HRG: variants seen among roughly 807,000 people sequenced by gnomAD.
HRG encodes histidine-rich glycoprotein.
Under a neutral mutation model 29.5 loss-of-function variants are expected in HRG, and 26 were observed. That is an observed-to-expected ratio of 0.88 (90% CI 0.65 to 1.22). The LOEUF is 1.22. Among genes scored for constraint, HRG ranks in the 50% most tolerant of loss-of-function variants. HRG has a pLI of 0.00. For synonymous variants in HRG, 243 were observed against 240.4 expected (o/e 1.01, Z -0.10); for missense variants, 671 against 654.5 (o/e 1.03, Z -0.28).
chr3:186,666,056 C>G lies in HRG; in HGVS notation c.25C>G (p.Leu9Val), dbSNP rs1441195918. 2 of 1,614,226 alleles carry G rather than the reference C, an allele frequency of 1.2e-6. No individual in the cohort carries two copies. Among genetic ancestry groups the G allele is most frequent in the East Asian group, 2.2e-5 (1 of 44,888 alleles). ...AATGAAGGCACTCATTGCAGCACTGCTTTTGATCACATTGCAGTATTCGTG... is the reference window on the plus strand; with the variant it reads ...AATGAAGGCACTCATTGCAGCACTGGTTTTGATCACATTGCAGTATTCGTG... MKALIAAL[L>V]LITLQYSCAV... Residue 9 changes from leucine to valine, a missense_variant, in exon 1 of 7, where the codon CTT (leucine) becomes GTT (valine). Leu to Val is a conservative substitution (Grantham distance 32). Coordinates refer to ENST00000232003, the MANE Select transcript of HRG (RefSeq NM_000412.5).
At chr3:186,668,784 A>G (rs184685307) in intron 1 of HRG, 151 bp from the exon 2 acceptor site, 13 of 634,186 alleles carry the variant, frequency 2.0e-5, no homozygotes, top group Non-Finnish European at 5.6e-6. Context: ...ATTGGAATCA[A>G]TAGATCAAAT....
intron 5 of HRG, 164 bp downstream of exon 5, chr3:186,673,031 C>T: frequency 5.8e-6 from 4 of 690,854 alleles, no homozygotes; most frequent in South Asian, 4.7e-5. Flanking sequence ...CTGTGAAATA[C>T]AAAGTATCAT....
chr3:186,678,075 GC>G lies in HRG; in HGVS notation c.*194del. ...AAAGGAGAGGAAAGAACTCAGTGCT[GC>G]CTATTAGTAGTTAATTCTGTCACTC... On this transcript the variant is annotated 3_prime_UTR_variant, in exon 7 of 7. Coordinates refer to ENST00000232003, the MANE Select transcript of HRG (RefSeq NM_000412.5). The G allele has an allele frequency of 5.1e-6, 3 of 592,986 alleles. No individual in the cohort carries two copies. The South Asian group carries it at 6.0e-5, about 12-fold the overall frequency. The allele number at this position is 592,986 out of a possible 1,614,324, so 36.7% of individuals were successfully genotyped here.
chr3:186,674,669 C>T (rs1469824048), intron 5 of HRG: 1 of 326,350 alleles, frequency 3.1e-6, no homozygotes, highest in African/African-American at 2.2e-5. Flanking sequence ...ATACAGATGC[C>T]CTCCTGTCCA....
chr3:186,672,248 G>A (rs1269781405), intron 4 of HRG, among the ~76,000 whole-genome samples: 1 of 152,204 alleles, frequency 6.6e-6, no homozygotes, highest in African/African-American at 2.4e-5. Flanking sequence ...GCAACTGGTT[G>A]ACATTTGCTA....
At chr3:186,676,922 G>T in intron 6 of HRG, 125 bp from the exon 7 acceptor site, 8 of 1,093,956 alleles carry the variant, frequency 7.3e-6, no homozygotes, top group Admixed American at 5.8e-5. Flanking sequence ...ATCTTTTTTC[G>T]TAATACTTTT....
At position 186,677,542 on chromosome 3, in the gene HRG, G is replaced by A. The variant is rs1449647645; in HGVS notation, c.1237G>A (p.Asp413Asn). 1 of 1,612,106 alleles carries A rather than the reference G, an allele frequency of 6.2e-7. No individual in the cohort carries two copies. Among genetic ancestry groups the A allele is most frequent in the Non-Finnish European group, 8.5e-7 (1 of 1,178,606 alleles). ...CCATCCCCACTGCCATGATTTCCAA[G>A]ACTATGGACCTTGTGACCCACCACC... Reference protein sequence around the residue: ...GHHPHCHDFQDYGPCDPPPHN... With the variant: ...GHHPHCHDFQNYGPCDPPPHN... The change falls in exon 7 of 7, where the codon GAC becomes AAC. Residue 413 changes from aspartate (D) to asparagine (N), a missense_variant. Coordinates refer to ENST00000232003, the MANE Select transcript of HRG (RefSeq NM_000412.5).
In HRG at chr3:186,670,008, T is replaced by C. The variant is rs780096311; in HGVS notation, c.371T>C (p.Phe124Ser). ...HESQDLRVIDFNCTTSSVSSA... is the reference protein window; with the variant it reads ...HESQDLRVIDSNCTTSSVSSA... ...TCTCAGGACCTCAGAGTGATTGACTTTAACTGCACCACAAGTTCTGGTATG... is the reference window on the plus strand; with the variant it reads ...TCTCAGGACCTCAGAGTGATTGACTCTAACTGCACCACAAGTTCTGGTATG... Residue 124 changes from phenylalanine (F) to serine (S), a missense_variant, in exon 3 of 7, where the codon TTT becomes TCT. By Grantham distance (155) the Phe-to-Ser change is radical. Transcript: ENST00000232003. 1 of 1,569,956 alleles carries C rather than the reference T, an allele frequency of 6.4e-7. No homozygotes were observed. The highest frequency in any genetic ancestry group is 1.1e-5 in the South Asian group (1 of 90,122).
At chr3:186,675,828 A>G (rs906794599) in intron 6 of HRG, among the ~76,000 whole-genome samples, 2 of 151,846 alleles carry the variant, frequency 1.3e-5, no homozygotes, top group Admixed American at 6.6e-5. Context: ...AGAAAAAGGA[A>G]CAAAGGGCAG....
chr3:186,667,215 C>A (rs1718640068), intron 1 of HRG: 2 of 152,150 alleles, frequency 1.3e-5, no homozygotes, highest in African/African-American at 4.8e-5. Flanking sequence ...GATCTGAGGA[C>A]CTACTATCAA....
intron 5 of HRG, chr3:186,673,073 T>G: frequency 4.7e-6 from 3 of 633,682 alleles, no homozygotes; most frequent in Non-Finnish European, 8.5e-6. Flanking sequence ...CCAGGCACTC[T>G]TCTAAGTGAT....
chr3:186,667,938 C>T (rs925815442), intron 1 of HRG, among the ~76,000 whole-genome samples: 4 of 152,110 alleles, frequency 2.6e-5, no homozygotes, highest in Non-Finnish European at 5.9e-5. Flanking sequence ...CCCCAAATAA[C>T]CTACTCTCCC....
intron 3 of HRG, 71 bp from the exon 4 acceptor site, chr3:186,671,552 T>C (rs748566736): frequency 7.4e-5 from 109 of 1,480,594 alleles, no homozygotes; most frequent in Non-Finnish European, 1.0e-4. Flanking sequence ...AAAGTTATTG[T>C]CATTCTTGCC....
Position 186,666,113 on chromosome 3 carries a change from G to A in HRG, c.82G>A (p.Glu28Lys). The change falls in exon 1 of 7, where the codon GAG becomes AAG. Residue 28 changes from glutamate (E) to lysine (K), a missense_variant. By Grantham distance (56) the Glu-to-Lys change is moderately conservative (BLOSUM62 1). Coordinates refer to ENST00000232003, the MANE Select transcript of HRG (RefSeq NM_000412.5). ...GAGTCCCACTGACTGCAGTGCTGTT[G>A]AGCCGGAGGCTGAGAAAGCTCTAGA... Reference protein sequence around the residue: ...AVSPTDCSAVEPEAEKALDLI... With the variant: ...AVSPTDCSAVKPEAEKALDLI... 7 of 1,614,238 alleles carry A rather than the reference G, an allele frequency of 4.3e-6. No individual in the cohort carries two copies. Among genetic ancestry groups the A allele is most frequent in the Non-Finnish European group, 5.9e-6 (7 of 1,180,038 alleles).
chr3:186,677,334 T>C lies in HRG; in HGVS notation c.1029T>C (p.Asn343=), dbSNP rs377175129. Residue 343 remains asparagine, a synonymous_variant, in exon 7 of 7, where the codon AAT becomes AAC. Coordinates refer to ENST00000232003, the MANE Select transcript of HRG (RefSeq NM_000412.5). Reference sequence around the variant, plus strand: ...ATGGGGCCCAAAGACATTCTCATAATAATAATTCCAGTGACCTCCATCCCC... The same window carrying C: ...ATGGGGCCCAAAGACATTCTCATAACAATAATTCCAGTGACCTCCATCCCC... The part of the protein sequence containing the change: ...GTNGAQRHSH[N]NNSSDLHPHK... The C allele has an allele frequency of 7.6e-5, 123 of 1,613,976 alleles. No individual in the cohort carries two copies. The highest frequency in any genetic ancestry group is 1.0e-4 in the Non-Finnish European group (119 of 1,180,020).
chr3:186,672,077 G>C (rs991947472), intron 4 of HRG, among the ~76,000 whole-genome samples: 2 of 152,028 alleles, frequency 1.3e-5, no homozygotes, highest in East Asian at 1.9e-4. Flanking sequence ...TATGAGGGTT[G>C]TGTCATTGCA....
At chr3:186,669,748 G>A (rs1718727645) in intron 2 of HRG, 190 bp from the exon 3 acceptor site, 2 of 628,408 alleles carry the variant, frequency 3.2e-6, no homozygotes, top group South Asian at 1.8e-5. Context: ...AGGATTTTGA[G>A]TGCCAACAGG....
chr3:186,668,429 C>G (rs1280536681), intron 1 of HRG, among the ~76,000 whole-genome samples: 2 of 151,956 alleles, frequency 1.3e-5, no homozygotes, highest in East Asian at 3.9e-4. Flanking sequence ...ATGTTTTACC[C>G]CAGAGTCTAA....
intron 5 of HRG, 26 bp downstream of exon 5, chr3:186,672,893 G>A (rs779260719): frequency 2.2e-5 from 31 of 1,390,876 alleles, no homozygotes; most frequent in South Asian, 3.5e-5. Flanking sequence ...GTCTGTGATC[G>A]TTGACTAGAG....
Sources: gnomAD v4.1 joint callset for allele counts (sites outside exome capture counted in the v4.1 genomes callset) on GRCh38, gnomAD v4.1.1 for gene constraint, MANE v1.5 for transcripts, NCBI Gene and HGNC (gene_info 2026-07-23, HGNC 2026-07-21) for gene names.